SLIT2: variants seen among roughly 807,000 people sequenced by gnomAD.
SLIT2 encodes the protein slit guidance ligand 2.
In SLIT2, 41 loss-of-function variants were observed where a neutral mutation model predicts 185.7. The ratio of observed to expected loss-of-function variants is 0.22; its 90% CI spans 0.17 to 0.29. The LOEUF (loss-of-function observed/expected upper bound fraction) is 0.29. Among genes scored for constraint, SLIT2 ranks in the 10% least tolerant of loss-of-function variants. The probability of loss-of-function intolerance (pLI) is 1.00; values close to 1 mark genes in which losing one functional copy is unlikely to be tolerated. For missense variants in SLIT2, 1,571 were observed against 1,909.0 expected, an observed-to-expected ratio of 0.82 and a Z score of 3.30; for synonymous variants, 693 against 680.2, an observed-to-expected ratio of 1.02 and a Z score of -0.29.
intron 4 of SLIT2, among the ~76,000 whole-genome samples, chr4:20,295,763 T>C (rs376565804): frequency 1.3e-5 from 2 of 152,168 alleles, no homozygotes; most frequent in Non-Finnish European, 1.5e-5. Flanking sequence ...AAATTTAAAA[T>C]TGATGCTCTG....
At chr4:20,545,927 G>T (rs1723207651) in intron 21 of SLIT2, 104 bp from the exon 22 acceptor site, 6 of 483,742 alleles carry the variant, frequency 1.2e-5, no homozygotes, top group Non-Finnish European at 1.4e-5. Flanking sequence ...AGCAAAAATT[G>T]CCAAGGGGTT....
intron 4 of SLIT2, among the ~76,000 whole-genome samples, chr4:20,437,398 T>C (rs1386703527): frequency 6.6e-6 from 1 of 152,146 alleles, no homozygotes; most frequent in Non-Finnish European, 1.5e-5. Context: ...GAGGATCACT[T>C]GAGCCCAGGA....
At chr4:20,513,866 T>C (rs551320889) in intron 11 of SLIT2, among the ~76,000 whole-genome samples, 2 of 152,146 alleles carry the variant, frequency 1.3e-5, no homozygotes, top group South Asian at 4.1e-4. Flanking sequence ...AACGGTTAAG[T>C]ACTAAGGACG....
chr4:20,451,501 T>C (rs541927684), intron 4 of SLIT2, among the ~76,000 whole-genome samples: 1 of 152,330 alleles, frequency 6.6e-6, no homozygotes, highest in East Asian at 1.9e-4. Context: ...ATGAAATGTA[T>C]TCATATGTTG....
At chr4:20,343,937 G>T (rs755008689) in intron 4 of SLIT2, among the ~76,000 whole-genome samples, 1 of 151,640 alleles carries the variant, frequency 6.6e-6, no homozygotes, top group Non-Finnish European at 1.5e-5. Context: ...TGTAACCTCC[G>T]CCTCCTGGGT....
chr4:20,413,976 G>T (rs1727460242), intron 4 of SLIT2, among the ~76,000 whole-genome samples: 1 of 151,858 alleles, frequency 6.6e-6, no homozygotes, highest in Non-Finnish European at 1.5e-5. Flanking sequence ...CAGTCATTTT[G>T]TAATGAATTT....
At chr4:20,547,536 T>G (rs1431365795) in intron 22 of SLIT2, among the ~76,000 whole-genome samples, 1 of 152,042 alleles carries the variant, frequency 6.6e-6, no homozygotes, top group Non-Finnish European at 1.5e-5. Flanking sequence ...TTTCACAATT[T>G]CATGGGTCCA....
chr4:20,617,531 A>G lies in SLIT2; in HGVS notation c.4229A>G (p.Glu1410Gly), dbSNP rs748070410. The G allele has an allele frequency of 1.2e-6, 2 of 1,613,968 alleles. No homozygotes were observed. Among genetic ancestry groups the G allele is most frequent in the East Asian group, 2.2e-5 (1 of 44,824 alleles). Residue 1410 changes from glutamate (E) to glycine (G), a missense_variant, in exon 36 of 37, where the codon GAG (glutamate) becomes GGG (glycine). Physicochemically the swap from Glu to Gly is moderately conservative, Grantham distance 98 (BLOSUM62 -2). Coordinates refer to ENST00000504154, the MANE Select transcript of SLIT2 (RefSeq NM_004787.4). ...GGAGGTGTCCTCTGTGATGAAGAGG[A>G]GGATCTGTTTAACCCATGCCAGGCG... The part of the protein sequence containing the change: ...GHGGVLCDEE[E>G]DLFNPCQAIK...
At chr4:20,408,613 T>G (rs1726958344) in intron 4 of SLIT2, among the ~76,000 whole-genome samples, 1 of 152,176 alleles carries the variant, frequency 6.6e-6, no homozygotes, top group African/African-American at 2.4e-5. Context: ...TACCTCCTTC[T>G]AGCGCTACTG....
At chr4:20,606,849 C>A (rs1197097394) in intron 33 of SLIT2, among the ~76,000 whole-genome samples, 1 of 152,166 alleles carries the variant, frequency 6.6e-6, no homozygotes, top group Non-Finnish European at 1.5e-5. Context: ...TACTATAGAA[C>A]TTTATTCCCA....
chr4:20,492,613 C>T (rs1435611239), intron 9 of SLIT2, among the ~76,000 whole-genome samples: 1 of 152,064 alleles, frequency 6.6e-6, no homozygotes, highest in African/African-American at 2.4e-5. Flanking sequence ...AAATTGTTAC[C>T]TCAATATTCA....
chr4:20,598,942 G>T (rs991186666), intron 33 of SLIT2, among the ~76,000 whole-genome samples: 3 of 152,106 alleles, frequency 2.0e-5, no homozygotes, highest in African/African-American at 7.2e-5. Context: ...GCTTCCTGGG[G>T]CTCAGAGCTG....
Position 20,254,114 on chromosome 4 carries a change from A to C in SLIT2, c.179+120A>C, listed in dbSNP as rs919876725. The stretch of plus-strand genomic sequence containing the variant: ...GGGCAGCCCTCGCTAGCTCTCCCCC[A>C]TGCACATCCTGGGGTTGAGCTCTCC... On this transcript the variant is annotated intron_variant, in intron 1 of 36. Transcript: ENST00000504154. The surrounding 1 kb of genome is among the most constrained non-coding windows in gnomAD (Gnocchi z 5.1). 2.0e-6 allele frequency: 2 copies of C among 1,007,448 alleles called. No homozygotes were observed. Among genetic ancestry groups the C allele is most frequent in the Non-Finnish European group, 2.9e-6 (2 of 681,718 alleles). The allele number at this position is 1,007,448 out of a possible 1,614,324, so 62.4% of individuals were successfully genotyped here. A position where few individuals can be genotyped will look rare whatever the true frequency, so the allele number is the denominator to read the frequency against.
chr4:20,314,035 A>C (rs1043121298), intron 4 of SLIT2, among the ~76,000 whole-genome samples: 3 of 152,172 alleles, frequency 2.0e-5, no homozygotes, highest in Admixed American at 6.5e-5. Context: ...ATTGTTTCTC[A>C]ATCCAGGAGC....
chr4:20,583,450 G>A (rs558603319), intron 29 of SLIT2, among the ~76,000 whole-genome samples: 10 of 152,248 alleles, frequency 6.6e-5, no homozygotes, highest in South Asian at 2.1e-4. Context: ...CAAGATACTA[G>A]GAAGGAAGTA....
intron 4 of SLIT2, among the ~76,000 whole-genome samples, chr4:20,404,404 T>C (rs1726603677): frequency 6.6e-6 from 1 of 152,010 alleles, no homozygotes; most frequent in South Asian, 2.1e-4. Flanking sequence ...ACATCTCTGC[T>C]CTATCCCTCA....
At chr4:20,346,016 CAG>C (rs1232167116) in intron 4 of SLIT2, among the ~76,000 whole-genome samples, 1 of 150,926 alleles carries the variant, frequency 6.6e-6, no homozygotes, top group Non-Finnish European at 1.5e-5. Flanking sequence ...GTTTTGGAGA[CAG>C]AGTCTTTCTC....
chr4:20,544,414 C>T (rs906761671), intron 21 of SLIT2, among the ~76,000 whole-genome samples: 15 of 152,048 alleles, frequency 9.9e-5, no homozygotes, highest in Admixed American at 8.5e-4. Flanking sequence ...TTGGTGCATA[C>T]CCTGTGCTAT....
At chr4:20,612,030 C>T (rs1223912128) in intron 34 of SLIT2, among the ~76,000 whole-genome samples, 1 of 151,982 alleles carries the variant, frequency 6.6e-6, no homozygotes, top group Non-Finnish European at 1.5e-5. Context: ...TCATTAGAAT[C>T]CACTTCATTA....
Sources: gnomAD v4.1 joint callset for allele counts (sites outside exome capture counted in the v4.1 genomes callset) on GRCh38, gnomAD v4.1.1 for gene constraint, Gnocchi (gnomAD v3.1) non-coding constraint, MANE v1.5 for transcripts, NCBI Gene and HGNC (gene_info 2026-07-23, HGNC 2026-07-21) for gene names.